Variants in GLRA2 observed in about 807,000 individuals in gnomAD.
GLRA2 encodes the protein glycine receptor subunit alpha-2.
GLRA2 carries 11 observed loss-of-function variants against 31.6 expected under a neutral mutation model. That is an observed-to-expected ratio of 0.35 (90% confidence interval 0.22 to 0.58). The LOEUF is 0.58. Among genes scored for constraint, GLRA2 ranks in the 20% least tolerant of loss-of-function variants. The probability of loss-of-function intolerance (pLI) is 0.84; values close to 1 mark genes in which losing one functional copy is unlikely to be tolerated. For synonymous variants in GLRA2, 132 were observed against 134.0 expected (o/e 0.99, Z 0.10); for missense variants, 212 against 351.8 (o/e 0.60, Z 3.18).
At chrX:14,464,337 C>A in the GLRA2 span, among the ~76,000 whole-genome samples, 1 of 111,455 alleles carries the variant, frequency 9.0e-6, no homozygotes, top group East Asian at 2.8e-4. Flanking sequence ...GTCTTCACTG[C>A]ATTTGGAGTT....
chrX:14,730,368 G>A lies in GLRA2; in HGVS notation c.1242G>A (p.Arg414=), dbSNP rs373708228. ...GDAIKKKFVD[R]AKRIDTISRA... The stretch of plus-strand genomic sequence containing the variant: ...CTATCAAGAAGAAGTTTGTGGACCG[G>A]GCAAAAAGGATTGACACGATATCTC... Residue 414 remains arginine, a synonymous_variant, in exon 9 of 9, where the codon CGG becomes CGA. Coordinates refer to ENST00000218075, the MANE Select transcript of GLRA2 (RefSeq NM_002063.4). The A allele has an allele frequency of 6.6e-6, 8 of 1,207,663 alleles. No individual in the cohort carries two copies. The highest frequency in any genetic ancestry group is 3.5e-5 in the African/African-American group (2 of 56,736).
chrX:14,704,652 G>A (rs73437282), intron 8 of GLRA2, among the ~76,000 whole-genome samples: 1,907 of 111,233 alleles, frequency 0.017, 40 homozygotes, highest in African/African-American at 0.051. Context: ...GAGTATAACC[G>A]TTTATAAAAT....
At chrX:14,638,401 A>G (rs771892755) in intron 7 of GLRA2, among the ~76,000 whole-genome samples, 1 of 111,826 alleles carries the variant, frequency 8.9e-6, no homozygotes, top group Non-Finnish European at 1.9e-5. Flanking sequence ...TATGAAGGCC[A>G]AGTTTCAAAT....
intron 7 of GLRA2, among the ~76,000 whole-genome samples, chrX:14,637,387 A>T (rs890673312): frequency 8.9e-6 from 1 of 112,530 alleles, no homozygotes; most frequent in African/African-American, 3.2e-5. Flanking sequence ...GGTGGAAAGG[A>T]CAGAACAGGT....
upstream of GLRA2, among the ~76,000 whole-genome samples, chrX:14,525,400 A>G (rs2089184315): frequency 8.9e-6 from 1 of 111,814 alleles, no homozygotes; most frequent in Admixed American, 9.5e-5. Flanking sequence ...TTGTCCAATG[A>G]ACAAAGTTAA....
At chrX:14,724,652 A>AAAAAAAAAAAAAAAAAAAAAAT (rs2091909608) in intron 8 of GLRA2, among the ~76,000 whole-genome samples, 1 of 100,229 alleles carries the variant, frequency 1.0e-5, no homozygotes, top group African/African-American at 3.8e-5. Flanking sequence ...AAAAAAAAAA[A>AAAAAAAAAAAAAAAAAAAAAAT]CAAGAAGAAG....
At chrX:14,530,835 T>G (rs779746411) in intron 1 of GLRA2, 6 of 316,163 alleles carry the variant, frequency 1.9e-5, no homozygotes, top group Non-Finnish European at 2.6e-5. Flanking sequence ...CCTCAAAATA[T>G]CAAATCATTA....
chrX:14,532,641 T>C (rs943473057), intron 2 of GLRA2, among the ~76,000 whole-genome samples: 3 of 111,567 alleles, frequency 2.7e-5, no homozygotes, highest in African/African-American at 9.7e-5. Flanking sequence ...TTTTCGTAAG[T>C]GGGAGTGTGG....
At position 14,532,469 on chromosome X, in the gene GLRA2, T is replaced by A. The variant is rs946535429; in HGVS notation, c.202+97T>A. The A allele has an allele frequency of 3.5e-4, 180 of 518,930 alleles. 1 individual carries two copies. The highest frequency in any genetic ancestry group is 4.9e-4 in the Non-Finnish European group (164 of 334,622). The allele number at this position is 518,930 out of a possible 1,213,427, so 42.8% of individuals were successfully genotyped here. A position where few individuals can be genotyped will look rare whatever the true frequency, so the allele number is the denominator to read the frequency against. On this transcript the variant is annotated intron_variant, in intron 2 of 8. Transcript: ENST00000218075. ...ATTTTCAGGGCTTTTAATTATAAAATGAAAATGACAAGTATAGTGTTCATT... is the reference window on the plus strand; with the variant it reads ...ATTTTCAGGGCTTTTAATTATAAAAAGAAAATGACAAGTATAGTGTTCATT...
chrX:14,658,948 G>A (rs1026234717), intron 7 of GLRA2, among the ~76,000 whole-genome samples: 1 of 111,750 alleles, frequency 8.9e-6, no homozygotes, highest in African/African-American at 3.3e-5. Context: ...TAGGGTAAAT[G>A]AATACAAATC....
the GLRA2 span, among the ~76,000 whole-genome samples, chrX:14,511,039 T>C: frequency 8.9e-6 from 1 of 111,752 alleles, no homozygotes; most frequent in African/African-American, 3.2e-5. Context: ...TAACTCGTCA[T>C]CTAGCATTAG....
chrX:14,634,045 T>G (rs2147122084), intron 7 of GLRA2, among the ~76,000 whole-genome samples: 1 of 111,694 alleles, frequency 9.0e-6, no homozygotes, highest in South Asian at 3.8e-4. Flanking sequence ...GCCTCACTGG[T>G]TCAAGCGATT....
chrX:14,587,845 G>A (rs374511235), intron 4 of GLRA2, among the ~76,000 whole-genome samples: 27 of 110,081 alleles, frequency 2.5e-4, no homozygotes, highest in African/African-American at 8.9e-4. Flanking sequence ...TTGGGGACTT[G>A]TCTAAAAATA....
intron 4 of GLRA2, among the ~76,000 whole-genome samples, chrX:14,583,055 C>T (rs2090040298): frequency 9.2e-6 from 1 of 109,278 alleles, no homozygotes; most frequent in East Asian, 2.9e-4. Flanking sequence ...AAAATCAGTT[C>T]TTTTTTTTTA....
At chrX:14,681,910 A>AAAAAAATATATATATATAT (rs758563376) in intron 7 of GLRA2, among the ~76,000 whole-genome samples, 5 of 41,280 alleles carry the variant, frequency 1.2e-4, no homozygotes, top group African/African-American at 6.1e-4. Context: ...AAAAAAAAAA[A>AAAAAAATATATATATATAT]ATATATATAT....
chrX:14,457,923 T>A, the GLRA2 span, among the ~76,000 whole-genome samples: 1 of 110,618 alleles, frequency 9.0e-6, no homozygotes, highest in Non-Finnish European at 1.9e-5. Context: ...GTGCACAGTG[T>A]ACAGGTTTGT....
intron 2 of GLRA2, among the ~76,000 whole-genome samples, chrX:14,554,270 G>A (rs2089610178): frequency 9.0e-6 from 1 of 111,579 alleles, no homozygotes; most frequent in South Asian, 3.8e-4. Flanking sequence ...TCTATTTTTA[G>A]ACCTCTTGCT....
chrX:14,575,895 C>T (rs751361336), intron 3 of GLRA2, among the ~76,000 whole-genome samples: 1 of 111,095 alleles, frequency 9.0e-6, no homozygotes, highest in Non-Finnish European at 1.9e-5. Context: ...TTCTTGGTCC[C>T]CATATTATTT....
At chrX:14,583,699 A>G (rs1479100803) in intron 4 of GLRA2, among the ~76,000 whole-genome samples, 1 of 112,111 alleles carries the variant, frequency 8.9e-6, no homozygotes, top group Non-Finnish European at 1.9e-5. Flanking sequence ...AGATAGTGCC[A>G]CTGCACTCCA....
Sources: allele counts gnomAD v4.1 joint callset (sites outside exome capture counted in the v4.1 genomes callset), GRCh38; gene constraint gnomAD v4.1.1; transcripts MANE v1.5; gene names NCBI Gene and HGNC (gene_info 2026-07-23, HGNC 2026-07-21).